The following SAMD5 variants were observed in gnomAD, a reference collection of about 807,000 sequenced individuals.
SAMD5 encodes the protein sterile alpha motif domain-containing protein 5.
In SAMD5, 13 loss-of-function variants were observed where a neutral mutation model predicts 11.3. The ratio of observed to expected loss-of-function variants is 1.15; its 90% confidence interval spans 0.75 to 1.83. The LOEUF is 1.83. Among genes scored for constraint, SAMD5 ranks in the 40% most tolerant of loss-of-function variants. The pLI is 0.00. For missense variants in SAMD5, 255 were observed against 239.1 expected (o/e 1.07, Z -0.44); for synonymous variants, 129 against 111.3 (o/e 1.16, Z -1.00).
chr6:147,753,568 A>G, the SAMD5 span, among the ~76,000 whole-genome samples: 2 of 152,066 alleles, frequency 1.3e-5, no homozygotes, highest in African/African-American at 4.8e-5. Flanking sequence ...AAACAATCCA[A>G]TTACACTCTT....
chr6:147,701,675 A>C (rs930693488), intron 1 of SAMD5, among the ~76,000 whole-genome samples: 1 of 152,006 alleles, frequency 6.6e-6, no homozygotes, highest in African/African-American at 2.4e-5. Flanking sequence ...AAAATTAAAA[A>C]CTGAATGATA....
chr6:147,939,958 T>C, the SAMD5 span, among the ~76,000 whole-genome samples: 2 of 152,114 alleles, frequency 1.3e-5, no homozygotes, highest in African/African-American at 4.8e-5. Context: ...GTTTAGAACA[T>C]GGAAGGATTT....
chr6:147,542,975 AGTTAAATCTCTTTCAC>A (rs1443653754), intron 1 of SAMD5, among the ~76,000 whole-genome samples: 1 of 152,228 alleles, frequency 6.6e-6, no homozygotes, highest in Admixed American at 6.5e-5. Flanking sequence ...AAAGCAGTTA[AGTTAAATCTCTTTCAC>A]TATCTCAGTT....
At chr6:147,749,140 ATGT>A in the SAMD5 span, among the ~76,000 whole-genome samples, 2 of 151,140 alleles carry the variant, frequency 1.3e-5, no homozygotes, top group African/African-American at 2.4e-5. Flanking sequence ...TTGATAGGAA[ATGT>A]TGTCTGTTAC....
the SAMD5 span, among the ~76,000 whole-genome samples, chr6:147,862,812 C>A: frequency 1.3e-5 from 2 of 152,074 alleles, no homozygotes; most frequent in African/African-American, 4.8e-5. Flanking sequence ...GTGAAATTGT[C>A]TGATTTTGCA....
intron 1 of SAMD5, among the ~76,000 whole-genome samples, chr6:147,551,069 T>C (rs1005775191): frequency 1.3e-5 from 2 of 152,200 alleles, no homozygotes; most frequent in Non-Finnish European, 2.9e-5. Flanking sequence ...TTGGGATAGC[T>C]GTCATTCTGT....
At chr6:147,765,757 C>T in the SAMD5 span, among the ~76,000 whole-genome samples, 2 of 152,192 alleles carry the variant, frequency 1.3e-5, no homozygotes, top group East Asian at 3.9e-4. Context: ...AGATGTACAT[C>T]AGATCTTCTC....
chr6:147,690,781 C>T (rs187849260), intron 1 of SAMD5, among the ~76,000 whole-genome samples: 112 of 152,264 alleles, frequency 7.4e-4, no homozygotes, highest in African/African-American at 2.5e-3. Context: ...CAGTTAACTT[C>T]TCTGAATTTT....
chr6:147,720,797 A>G (rs1011080358), intron 1 of SAMD5, among the ~76,000 whole-genome samples: 1 of 149,262 alleles, frequency 6.7e-6, no homozygotes, highest in African/African-American at 2.5e-5. Flanking sequence ...CGCTGCACCC[A>G]CTAACTCGTC....
intron 1 of SAMD5, among the ~76,000 whole-genome samples, chr6:147,625,353 C>A (rs947460535): frequency 6.6e-6 from 1 of 152,126 alleles, no homozygotes; most frequent in Non-Finnish European, 1.5e-5. Flanking sequence ...AGGAGGGACT[C>A]ATGTTTCATT....
chr6:147,569,280 G>T lies in SAMD5; in HGVS notation c.*4824G>T. On this transcript the variant is annotated 3_prime_UTR_variant, in exon 2 of 2. Transcript: ENST00000367474. ...TGAAGAACATAACTTTTCTACTTAT[G>T]AAATAGATAATTTTTTAAAATTGTT... 2.6e-6 allele frequency: 1 copy of T among 383,702 alleles called. No homozygotes were observed. Among genetic ancestry groups the T allele is most frequent in the Non-Finnish European group, 3.5e-6 (1 of 281,924 alleles). The allele number at this position is 383,702 out of a possible 1,614,324, so 23.8% of individuals were successfully genotyped here. A position where few individuals can be genotyped will look rare whatever the true frequency, so the allele number is the denominator to read the frequency against.
chr6:147,726,528 C>T (rs1791629531), intron 1 of SAMD5, among the ~76,000 whole-genome samples: 1 of 152,122 alleles, frequency 6.6e-6, no homozygotes. Context: ...GGGCCCAGGC[C>T]CAGGCCCAGG....
chr6:147,580,080 A>C (rs1048783556), intron 1 of SAMD5, among the ~76,000 whole-genome samples: 1 of 152,186 alleles, frequency 6.6e-6, no homozygotes, highest in South Asian at 2.1e-4. Flanking sequence ...TCTAACTCAT[A>C]ACAATGCACA....
At chr6:147,952,161 G>A in the SAMD5 span, among the ~76,000 whole-genome samples, 4 of 152,142 alleles carry the variant, frequency 2.6e-5, no homozygotes, top group Non-Finnish European at 4.4e-5. Flanking sequence ...TGCCAAATCG[G>A]TGCTTGAGGA....
chr6:147,523,401 A>G (rs1280649331), intron 1 of SAMD5, among the ~76,000 whole-genome samples: 1 of 152,238 alleles, frequency 6.6e-6, no homozygotes, highest in Non-Finnish European at 1.5e-5. Flanking sequence ...GTACAGGAAT[A>G]GTATTTTCTG....
chr6:147,613,269 C>T (rs1789812506), intron 1 of SAMD5, among the ~76,000 whole-genome samples: 1 of 151,884 alleles, frequency 6.6e-6, no homozygotes, highest in Non-Finnish European at 1.5e-5. Context: ...AGGAGGAGTG[C>T]GTCTAGTCAA....
At chr6:147,517,869 AG>A (rs1017928314) in intron 1 of SAMD5, among the ~76,000 whole-genome samples, 38 of 151,126 alleles carry the variant, frequency 2.5e-4, no homozygotes, top group Admixed American at 2.4e-3. Flanking sequence ...CAAAATAATG[AG>A]GTGTTTTTTT....
At chr6:147,865,315 T>A in the SAMD5 span, among the ~76,000 whole-genome samples, 8 of 542 alleles carry the variant, frequency 0.015, no homozygotes, top group Non-Finnish European at 0.022. Context: ...GGTATATAAG[T>A]GTGTGTGTGT....
chr6:147,533,808 G>T lies in SAMD5; in HGVS notation c.459+24421G>T, dbSNP rs533533740. On this transcript the variant is annotated intron_variant, in intron 1 of 1. Transcript: ENST00000367474. ...CTAAAAGCAGAATTCCTTTTTTCTT[G>T]GGGGACTTTAGTCTTTTTCTCTTAA... Among the ~76,000 whole-genome samples, 220 of 152,200 alleles carry T rather than the reference G, an allele frequency of 1.4e-3. 1 individual carries two copies. The highest frequency in any genetic ancestry group is 4.9e-3 in the African/African-American group (205 of 41,544).
Sources: allele counts gnomAD v4.1 joint callset (sites outside exome capture counted in the v4.1 genomes callset), GRCh38; gene constraint gnomAD v4.1.1; transcripts MANE v1.5; gene names NCBI Gene and HGNC (gene_info 2026-07-23, HGNC 2026-07-21).